The following ANKS1B variants were observed in gnomAD, a reference collection of about 807,000 sequenced individuals.
ANKS1B encodes ankyrin repeat and sterile alpha motif domain containing 1B, also known as ankyrin repeat and sterile alpha motif domain-containing protein 1B.
In ANKS1B, 36 loss-of-function variants were observed where a neutral mutation model predicts 148.3. That is an observed-to-expected ratio of 0.24 (90% confidence interval 0.19 to 0.32). The LOEUF (loss-of-function observed/expected upper bound fraction) is 0.32. Among genes scored for constraint, ANKS1B ranks in the 10% least tolerant of loss-of-function variants. The probability of loss-of-function intolerance (pLI) is 1.00; values close to 1 mark genes in which losing one functional copy is unlikely to be tolerated. For synonymous variants in ANKS1B, 542 were observed against 560.8 expected, an observed-to-expected ratio of 0.97 and a Z score of 0.47; for missense variants, 1,157 against 1,542.6, an observed-to-expected ratio of 0.75 and a Z score of 4.19.
At chr12:98,861,968 A>G (rs1262278983) in intron 17 of ANKS1B, among the ~76,000 whole-genome samples, 1 of 151,880 alleles carries the variant, frequency 6.6e-6, no homozygotes, top group East Asian at 1.9e-4. Context: ...GTTTTTTTTT[A>G]CCTTCCTGTT....
chr12:99,446,451 T>C (rs2095639391), intron 10 of ANKS1B, among the ~76,000 whole-genome samples: 1 of 152,248 alleles, frequency 6.6e-6, no homozygotes, highest in East Asian at 1.9e-4. Context: ...ATTTTACTTA[T>C]TGAATCTCAT....
chr12:99,057,589 T>C (rs1461392866), intron 16 of ANKS1B, among the ~76,000 whole-genome samples: 1 of 152,244 alleles, frequency 6.6e-6, no homozygotes, highest in African/African-American at 2.4e-5. Context: ...TCGATTGAAC[T>C]GTTTATTCCA....
At chr12:99,054,581 C>T (rs2099968376) in intron 16 of ANKS1B, among the ~76,000 whole-genome samples, 1 of 152,090 alleles carries the variant, frequency 6.6e-6, no homozygotes, top group African/African-American at 2.4e-5. Flanking sequence ...CTCTATTGCC[C>T]AGGCTGGAGT....
Position 99,331,390 on chromosome 12 carries a change from CATG to C in ANKS1B, c.1756+68238_1756+68240del, listed in dbSNP as rs138070221. ...ACAGTAGCAAAGCATTGGCAGTTTCCATGATATTACATGCTTTACAACCTCCTG... is the reference window on the plus strand; with the variant it reads ...ACAGTAGCAAAGCATTGGCAGTTTCCATATTACATGCTTTACAACCTCCTG... On this transcript the variant is annotated intron_variant, in intron 12 of 26. Coordinates refer to ENST00000683438, the MANE Select transcript of ANKS1B (RefSeq NM_001352186.2). Among the ~76,000 whole-genome samples the C allele has an allele frequency of 8.7e-3, 1,322 of 152,032 alleles. 126 individuals carry two copies. In the East Asian group the frequency reaches 0.21, roughly 24 times the overall value.
At chr12:99,680,899 G>A (rs1360994382) in intron 8 of ANKS1B, among the ~76,000 whole-genome samples, 1 of 152,010 alleles carries the variant, frequency 6.6e-6, no homozygotes, top group South Asian at 2.1e-4. Flanking sequence ...CTGGTGACCT[G>A]TATAATGTAC....
At chr12:99,943,732 C>T (rs954325854) in intron 1 of ANKS1B, among the ~76,000 whole-genome samples, 8 of 152,036 alleles carry the variant, frequency 5.3e-5, no homozygotes, top group African/African-American at 1.9e-4. Context: ...ATGGAAGCTA[C>T]AGTTCAAGAT....
intron 14 of ANKS1B, 25 bp from the exon 15 acceptor site, chr12:99,154,420 G>A (rs1478146044): frequency 6.8e-6 from 11 of 1,613,776 alleles, no homozygotes; most frequent in South Asian, 4.4e-5. Context: ...AGAGGGAAGC[G>A]TTTAAGCAGG....
chr12:99,047,269 G>A (rs368492764), intron 17 of ANKS1B, among the ~76,000 whole-genome samples: 60 of 152,194 alleles, frequency 3.9e-4, no homozygotes, highest in African/African-American at 1.3e-3. Flanking sequence ...ATGTGGTGTC[G>A]CATGCCTGCA....
At chr12:98,739,995 C>T (rs753792128), downstream of ANKS1B, among the ~76,000 whole-genome samples, 8 of 152,108 alleles carry the variant, frequency 5.3e-5, no homozygotes, top group Non-Finnish European at 8.8e-5. Context: ...AAAGCTGTCA[C>T]CTGCTTTCTT....
chr12:99,828,012 A>G (rs1241687967), intron 1 of ANKS1B, among the ~76,000 whole-genome samples: 1 of 152,234 alleles, frequency 6.6e-6, no homozygotes, highest in East Asian at 1.9e-4. Context: ...ACAGCTCTAT[A>G]GGTAATAGCC....
chr12:98,807,873 G>A lies in ANKS1B; in HGVS notation c.3112C>T (p.Pro1038Ser). The change falls in exon 20 of 27, where the codon CCT (proline) becomes TCT (serine). Residue 1038 changes from proline (P) to serine (S), a missense_variant. Transcript: ENST00000683438. ...EIWTNQNAGF[P>S]FSAIHQVHNT... ...TGAACCTGATGGATCGCTGAGAAAG[G>A]AAATCCTGCGTTCTGATTCGTCCAT... The A allele has an allele frequency of 6.2e-7, 1 of 1,613,418 alleles. No individual in the cohort carries two copies. The highest frequency in any genetic ancestry group is 8.5e-7 in the Non-Finnish European group (1 of 1,179,658).
chr12:99,639,381 G>A lies in ANKS1B; in HGVS notation c.1272+15686C>T, dbSNP rs2098278289. 3.3e-5 allele frequency among the ~76,000 whole-genome samples: 5 copies of A among 152,280 alleles called. No individual in the cohort carries two copies. The South Asian group carries it at 1.0e-3, about 32-fold the overall frequency. On this transcript the variant is annotated intron_variant, in intron 9 of 26. Coordinates refer to ENST00000683438, the MANE Select transcript of ANKS1B (RefSeq NM_001352186.2). ...TTGCCTTGTCTCAGGTAAGACTTTG[G>A]ACTGTGGACTTTTGAGTAAATGCTG... is the stretch of plus-strand genomic sequence containing the variant.
intron 12 of ANKS1B, among the ~76,000 whole-genome samples, chr12:99,314,821 G>C (rs1004730920): frequency 3.9e-5 from 6 of 152,142 alleles, no homozygotes; most frequent in Non-Finnish European, 7.3e-5. Context: ...AACCCTAGAA[G>C]AAAACCTAGG....
intron 9 of ANKS1B, among the ~76,000 whole-genome samples, chr12:99,631,749 T>C (rs555241435): frequency 6.6e-6 from 1 of 152,276 alleles, no homozygotes; most frequent in East Asian, 1.9e-4. Context: ...GCATGGTTAC[T>C]TTTGGCTGCT....
At chr12:99,533,880 A>G (rs1247709059) in intron 9 of ANKS1B, among the ~76,000 whole-genome samples, 1 of 152,214 alleles carries the variant, frequency 6.6e-6, no homozygotes, top group Non-Finnish European at 1.5e-5. Context: ...TTAACAAAAG[A>G]ATGGATAAAT....
chr12:99,225,334 C>T (rs1326816488), intron 14 of ANKS1B, among the ~76,000 whole-genome samples: 3 of 151,834 alleles, frequency 2.0e-5, no homozygotes, highest in Non-Finnish European at 4.4e-5. Flanking sequence ...GTTCTATAGC[C>T]CACTTTTGTC....
Position 99,144,460 on chromosome 12 carries a change from T to C in ANKS1B, c.2526+9829A>G, listed in dbSNP as rs573852951. On this transcript the variant is annotated intron_variant, in intron 15 of 26. Coordinates refer to ENST00000683438, the MANE Select transcript of ANKS1B (RefSeq NM_001352186.2). Reference sequence around the variant, plus strand: ...GATCCTTCAGGCATCTGGAATCTTATGTAAACCTCACGTAGACTGAGTTTA... The same window carrying C: ...GATCCTTCAGGCATCTGGAATCTTACGTAAACCTCACGTAGACTGAGTTTA... 3.9e-5 allele frequency among the ~76,000 whole-genome samples: 6 copies of C among 152,270 alleles called. No individual in the cohort carries two copies. The East Asian group carries it at 9.7e-4, about 25-fold the overall frequency.
intron 24 of ANKS1B, among the ~76,000 whole-genome samples, chr12:98,776,136 T>C (rs1441932383): frequency 6.6e-6 from 1 of 152,210 alleles, no homozygotes; most frequent in East Asian, 1.9e-4. Flanking sequence ...TGCAGAATGG[T>C]GAAGCCAGTT....
chr12:99,018,033 G>A (rs2099943609), intron 17 of ANKS1B, among the ~76,000 whole-genome samples: 1 of 152,172 alleles, frequency 6.6e-6, no homozygotes, highest in African/African-American at 2.4e-5. Flanking sequence ...TCCTGGACAT[G>A]CCCTCAAGCT....
Sources: gnomAD v4.1 joint callset for allele counts (sites outside exome capture counted in the v4.1 genomes callset) on GRCh38, gnomAD v4.1.1 for gene constraint, MANE v1.5 for transcripts, NCBI Gene and HGNC (gene_info 2026-07-23, HGNC 2026-07-21) for gene names.